The following RPTOR variants were observed in gnomAD, a reference collection of about 807,000 sequenced individuals.
The protein encoded by RPTOR is regulatory associated protein of MTOR complex 1.
RPTOR carries 21 observed loss-of-function variants against 169.9 expected under a neutral mutation model. The ratio of observed to expected loss-of-function variants is 0.12; its 90% confidence interval spans 0.09 to 0.18. The LOEUF is 0.18. Ranked by LOEUF, RPTOR falls within the 10% of genes least tolerant of loss-of-function variation. The pLI is 1.00. For missense variants in RPTOR, 1,133 were observed against 1,855.9 expected (o/e 0.61, Z 7.16); for synonymous variants, 732 against 753.2 (o/e 0.97, Z 0.46).
At chr17:80,752,309 C>A (rs971044877) in intron 5 of RPTOR, among the ~76,000 whole-genome samples, 1 of 152,248 alleles carries the variant, frequency 6.6e-6, no homozygotes, top group African/African-American at 2.4e-5. Context: ...GCCCATGGGG[C>A]CTCCCTTCCA....
rs1395827260 is a variant in RPTOR, at chr17:80,681,667, CGTCTCTTACAGCTTCATGAG to C, written c.349-26171_349-26152del. Among the ~76,000 whole-genome samples, 18 of 65,998 alleles carry C rather than the reference CGTCTCTTACAGCTTCATGAG, an allele frequency of 2.7e-4. 8 individuals are homozygous for C. Among genetic ancestry groups the C allele is most frequent in the Non-Finnish European group, 4.9e-4 (17 of 34,824 alleles). 43.3% of individuals were successfully genotyped at this position (65,998 alleles called of 152,430 possible). A position where few individuals can be genotyped will look rare whatever the true frequency, so the allele number is the denominator to read the frequency against. On this transcript the variant is annotated intron_variant, in intron 3 of 33. Transcript: ENST00000306801. The stretch of plus-strand genomic sequence containing the variant: ...GTCTCTTACACCTTCATGAGGTGTA[CGTCTCTTACAGCTTCATGAG>C]GTGTACGTCTCTTACACCTTCATGA...
chr17:80,934,694 T>A (rs938500100), intron 24 of RPTOR, among the ~76,000 whole-genome samples: 1 of 152,136 alleles, frequency 6.6e-6, no homozygotes, highest in Non-Finnish European at 1.5e-5. Context: ...CACAGAAAAC[T>A]TCTGACCCAG....
chr17:80,668,682 C>G (rs1030419107), intron 3 of RPTOR, among the ~76,000 whole-genome samples: 4 of 152,212 alleles, frequency 2.6e-5, no homozygotes, highest in Admixed American at 6.5e-5. Flanking sequence ...GGGATCTCCT[C>G]TTTTCTGTCC....
chr17:80,717,463 C>T (rs12601200), intron 4 of RPTOR, among the ~76,000 whole-genome samples: 26,925 of 151,970 alleles, frequency 0.18, 2,774 homozygotes, highest in East Asian at 0.24. Flanking sequence ...GTTGTATTTT[C>T]CCCCACTGTG....
Position 80,646,675 on chromosome 17 carries a change from G to A in RPTOR, c.348+2865G>A, listed in dbSNP as rs115574263. Among the ~76,000 whole-genome samples the A allele has an allele frequency of 6.8e-3, 1,028 of 152,230 alleles. 11 individuals are homozygous for A. The highest frequency in any genetic ancestry group is 0.024 in the African/African-American group (979 of 41,530). ...TGAGTTTCTGCAGTAATAAAGAGAG[G>A]TTGATGTGCCATCTGCAATAAAACA... On this transcript the variant is annotated intron_variant, in intron 3 of 33. Transcript: ENST00000306801. This position sits in a 1 kb window ranked among gnomAD's most constrained non-coding sequence, Gnocchi z 5.0.
At chr17:80,862,604 G>A (rs538922119) in intron 13 of RPTOR, among the ~76,000 whole-genome samples, 3 of 146,354 alleles carry the variant, frequency 2.0e-5, no homozygotes, top group Admixed American at 6.6e-5. Flanking sequence ...CTGGAGCTCC[G>A]CCCACCATGA....
At chr17:80,961,691 G>A in intron 31 of RPTOR, 1 of 575,512 alleles carries the variant, frequency 1.7e-6, no homozygotes, top group Non-Finnish European at 3.0e-6. Flanking sequence ...CACCTGACCT[G>A]CAGGCGCTTT....
chr17:80,945,682 A>G lies in RPTOR; in HGVS notation c.3041A>G (p.Asp1014Gly), dbSNP rs1442538561. 1.2e-6 allele frequency: 2 copies of G among 1,609,862 alleles called. No homozygotes were observed. Among genetic ancestry groups the G allele is most frequent in the African/African-American group, 1.3e-5 (1 of 74,202 alleles). Residue 1014 changes from aspartate to glycine, a missense_variant, in exon 26 of 34, where the codon GAC becomes GGC. By Grantham distance (94) the Asp-to-Gly change is moderately conservative (BLOSUM62 -1). Around this residue, in one of 9 missense-constraint regions of RPTOR, gnomAD observed 410 missense variants for 623.7 expected, o/e 0.66. Coordinates refer to ENST00000306801, the MANE Select transcript of RPTOR (RefSeq NM_020761.3). ...CTTTTGACAGGCATTACGAGATTGGACGACCAAATATTTCTGAACAGGAAC... is the reference window on the plus strand; with the variant it reads ...CTTTTGACAGGCATTACGAGATTGGGCGACCAAATATTTCTGAACAGGAAC... ...QVIQKGITRLDDQIFLNRNPG... is the reference protein window; with the variant it reads ...QVIQKGITRLGDQIFLNRNPG...
At chr17:80,566,794 AGC>A (rs2064846638) in intron 1 of RPTOR, among the ~76,000 whole-genome samples, 1 of 130,794 alleles carries the variant, frequency 7.6e-6, no homozygotes, top group Non-Finnish European at 1.5e-5. Context: ...ACTGCACTCC[AGC>A]GTGGGCGACA....
intron 1 of RPTOR, 100 bp from the exon 2 acceptor site, chr17:80,625,591 A>G (rs1599611524): frequency 1.1e-6 from 1 of 896,062 alleles, no homozygotes; most frequent in Non-Finnish European, 1.8e-6. Context: ...GTGGGTAGGG[A>G]AGGGGCTCAA....
At chr17:80,723,658 G>A (rs1488785087) in intron 4 of RPTOR, among the ~76,000 whole-genome samples, 3 of 151,188 alleles carry the variant, frequency 2.0e-5, no homozygotes, top group East Asian at 1.9e-4. Context: ...TTGTGTGCTC[G>A]TTACTACTGG....
chr17:80,735,640 T>C (rs191254751), intron 5 of RPTOR, among the ~76,000 whole-genome samples: 3 of 151,870 alleles, frequency 2.0e-5, no homozygotes, highest in Admixed American at 2.0e-4. Context: ...TCTAGGCGAG[T>C]TTCTCCTCTT....
At chr17:80,886,953 C>G (rs1426286185) in intron 17 of RPTOR, among the ~76,000 whole-genome samples, 1 of 152,164 alleles carries the variant, frequency 6.6e-6, no homozygotes, top group Non-Finnish European at 1.5e-5. Flanking sequence ...GCCTGGAGTG[C>G]TGTGGAGCTC....
intron 3 of RPTOR, among the ~76,000 whole-genome samples, chr17:80,671,418 A>G (rs1370196411): frequency 1.3e-5 from 2 of 152,194 alleles, no homozygotes; most frequent in Non-Finnish European, 2.9e-5. Context: ...CTCTCTAATT[A>G]TTGGTTTCTT....
intron 1 of RPTOR, among the ~76,000 whole-genome samples, chr17:80,588,505 C>T (rs553528323): frequency 6.6e-5 from 10 of 152,268 alleles, no homozygotes; most frequent in South Asian, 4.1e-4. Flanking sequence ...TTCCATATCT[C>T]GGCTATTGTG....
intron 7 of RPTOR, among the ~76,000 whole-genome samples, chr17:80,797,896 T>C (rs2067116220): frequency 6.6e-6 from 1 of 152,132 alleles, no homozygotes; most frequent in African/African-American, 2.4e-5. Context: ...AGCCCACGTG[T>C]CAGGGGAGAC....
chr17:80,701,319 A>G lies in RPTOR; in HGVS notation c.349-6522A>G, dbSNP rs756821243. Among the ~76,000 whole-genome samples, 14 of 152,340 alleles carry G rather than the reference A, an allele frequency of 9.2e-5. No individual in the cohort carries two copies. In the Middle Eastern group the frequency reaches 0.01, roughly 111 times the overall value. ...CTTGCCATTTATTCTCACGGAGACC[A>G]TAATGCTCATTCCATATCAACCGAA... On this transcript the variant is annotated intron_variant, in intron 3 of 33. Coordinates refer to ENST00000306801, the MANE Select transcript of RPTOR (RefSeq NM_020761.3).
chr17:80,938,465 C>T (rs1161218161), intron 24 of RPTOR, among the ~76,000 whole-genome samples: 2 of 152,256 alleles, frequency 1.3e-5, no homozygotes, highest in African/African-American at 4.8e-5. Flanking sequence ...TGAGTCTTTC[C>T]ACCGCGGGTT....
intron 5 of RPTOR, among the ~76,000 whole-genome samples, chr17:80,741,438 C>T (rs1345640477): frequency 6.6e-6 from 1 of 152,164 alleles, no homozygotes; most frequent in Non-Finnish European, 1.5e-5. Flanking sequence ...GAGTGATTCG[C>T]TCTGGATCAG....
Sources: allele counts gnomAD v4.1 joint callset (sites outside exome capture counted in the v4.1 genomes callset), GRCh38; gene constraint gnomAD v4.1.1; regional missense constraint gnomAD v4.1.1; non-coding constraint Gnocchi (gnomAD v3.1); transcripts MANE v1.5; gene names NCBI Gene and HGNC (gene_info 2026-07-23, HGNC 2026-07-21).